GRID1: variants seen among roughly 807,000 people sequenced by gnomAD.
GRID1 encodes the protein glutamate ionotropic receptor delta type subunit 1.
In GRID1, 28 loss-of-function variants were observed where a neutral mutation model predicts 98.0. The observed-to-expected ratio is 0.29, with a 90% confidence interval of 0.21 to 0.39. GRID1 has a LOEUF of 0.39. Among genes scored for constraint, GRID1 ranks in the 10% least tolerant of loss-of-function variants. The pLI is 1.00. For synonymous variants in GRID1, 553 were observed against 538.5 expected (o/e 1.03, Z -0.37); for missense variants, 1,111 against 1,340.5 (o/e 0.83, Z 2.67).
At chr10:85,748,537 G>C (rs367764184) in intron 8 of GRID1, among the ~76,000 whole-genome samples, 1 of 152,166 alleles carries the variant, frequency 6.6e-6, no homozygotes, top group African/African-American at 2.4e-5. Flanking sequence ...AATTTGGGCA[G>C]ACTTCAGTTT....
At chr10:86,105,581 GCCAGCTGCCC>G (rs1313155941) in intron 4 of GRID1, among the ~76,000 whole-genome samples, 26 of 152,146 alleles carry the variant, frequency 1.7e-4, no homozygotes, top group Non-Finnish European at 3.7e-4. Flanking sequence ...AGCCCTAGGG[GCCAGCTGCCC>G]CTCCCCAGCA....
intron 2 of GRID1, among the ~76,000 whole-genome samples, chr10:86,244,727 A>G (rs891635302): frequency 1.3e-5 from 2 of 152,354 alleles, no homozygotes; most frequent in South Asian, 2.1e-4. Context: ...CACATGCCCA[A>G]AGAAATAGCC....
intron 2 of GRID1, among the ~76,000 whole-genome samples, chr10:86,322,919 C>T (rs1480310243): frequency 6.7e-6 from 1 of 149,790 alleles, no homozygotes; most frequent in African/African-American, 2.5e-5. Flanking sequence ...TGGTGAAACC[C>T]CGTCTCTACT....
rs761955162 is a variant in GRID1 at position 85,916,630 on chromosome 10, C to T, written c.727-391G>A. On this transcript the variant is annotated intron_variant, in intron 4 of 15. Coordinates refer to ENST00000327946, the MANE Select transcript of GRID1 (RefSeq NM_017551.3). The surrounding 1 kb of genome is among the most constrained non-coding windows in gnomAD (Gnocchi z 4.0). ...AGGCTACAGAATCAGGAAACTGGAA[C>T]GAGGGATTTATGGGGGCTTGTCTAG... Among the ~76,000 whole-genome samples the T allele has an allele frequency of 1.1e-4, 17 of 152,216 alleles. No homozygotes were observed. Among genetic ancestry groups the T allele is most frequent in the East Asian group, 5.8e-4 (3 of 5,168 alleles).
chr10:85,909,641 G>A (rs1841509319), intron 5 of GRID1, among the ~76,000 whole-genome samples: 1 of 152,106 alleles, frequency 6.6e-6, no homozygotes, highest in South Asian at 2.1e-4. Context: ...AGTAAAATAA[G>A]CCATACCAAA....
intron 8 of GRID1, among the ~76,000 whole-genome samples, chr10:85,847,339 G>T (rs1487507440): frequency 6.6e-6 from 1 of 152,160 alleles, no homozygotes; most frequent in East Asian, 1.9e-4. Context: ...GGCTCAGCAG[G>T]AGTGTCTGAA....
intron 4 of GRID1, among the ~76,000 whole-genome samples, chr10:85,993,289 A>T (rs1425820258): frequency 2.6e-5 from 4 of 152,190 alleles, no homozygotes; most frequent in Non-Finnish European, 2.9e-5. Flanking sequence ...CAAGGTAAGC[A>T]AGGCAGTAGG....
chr10:85,787,690 C>T (rs1445025817), intron 8 of GRID1, among the ~76,000 whole-genome samples: 1 of 152,164 alleles, frequency 6.6e-6, no homozygotes, highest in Admixed American at 6.5e-5. Flanking sequence ...CCAGGTAAAT[C>T]CTCAGCTCAG....
chr10:85,720,972 A>G lies in GRID1; in HGVS notation c.1997+2031T>C, dbSNP rs146790175. On this transcript the variant is annotated intron_variant, in intron 12 of 15. Coordinates refer to ENST00000327946, the MANE Select transcript of GRID1 (RefSeq NM_017551.3). ...CTGACCGCATATCTGACAAAGAACTAGTGTCTAAAATATATGAAGAACTTT... is the reference window on the plus strand; with the variant it reads ...CTGACCGCATATCTGACAAAGAACTGGTGTCTAAAATATATGAAGAACTTT... Among the ~76,000 whole-genome samples, 261 of 152,348 alleles carry G rather than the reference A, an allele frequency of 1.7e-3. 1 individual carries two copies. Among genetic ancestry groups the G allele is most frequent in the African/African-American group, 6.1e-3 (252 of 41,586 alleles).
chr10:86,172,898 T>C (rs979745780), intron 3 of GRID1, among the ~76,000 whole-genome samples: 12 of 152,218 alleles, frequency 7.9e-5, no homozygotes, highest in African/African-American at 2.9e-4. Flanking sequence ...TAGTGGGCCT[T>C]GTGTATGTCT....
At chr10:85,947,898 G>T (rs556554526) in intron 4 of GRID1, among the ~76,000 whole-genome samples, 1 of 152,290 alleles carries the variant, frequency 6.6e-6, no homozygotes, top group African/African-American at 2.4e-5. Context: ...AAAGAATTAG[G>T]AGAATGTTGA....
chr10:86,070,440 A>G (rs924912447), intron 4 of GRID1, among the ~76,000 whole-genome samples: 2 of 152,148 alleles, frequency 1.3e-5, no homozygotes, highest in East Asian at 3.9e-4. Context: ...AATTAAGATT[A>G]TTATCTTAAA....
chr10:86,016,040 G>A (rs190766994), intron 4 of GRID1, among the ~76,000 whole-genome samples: 2 of 152,124 alleles, frequency 1.3e-5, no homozygotes, highest in Admixed American at 1.3e-4. Flanking sequence ...GTCTGGACTT[G>A]GGCTGGTGAG....
At position 86,202,520 on chromosome 10, in the gene GRID1, T is replaced by C. The variant is rs116719021; in HGVS notation, c.520+3844A>G. ...CTCCATTCTTTTCGATCCAAACTTT[T>C]GGTATTTTAATGTTGCAAATTTTCT... On this transcript the variant is annotated intron_variant, in intron 3 of 15. Transcript: ENST00000327946. Among the ~76,000 whole-genome samples, 1,404 of 152,368 alleles carry C rather than the reference T, an allele frequency of 9.2e-3. 16 individuals carry two copies. The highest frequency in any genetic ancestry group is 0.031 in the Middle Eastern group (9 of 294).
intron 8 of GRID1, among the ~76,000 whole-genome samples, chr10:85,778,112 G>C (rs1301723632): frequency 6.6e-6 from 1 of 152,164 alleles, no homozygotes; most frequent in Non-Finnish European, 1.5e-5. Flanking sequence ...AATGGGACTA[G>C]AACTACATGG....
intron 2 of GRID1, among the ~76,000 whole-genome samples, chr10:86,232,168 A>G (rs908305796): frequency 1.3e-5 from 2 of 152,154 alleles, no homozygotes; most frequent in African/African-American, 4.8e-5. Context: ...GCGCATCCCA[A>G]TCCCACGAGG....
intron 2 of GRID1, among the ~76,000 whole-genome samples, chr10:86,243,764 G>A (rs550897306): frequency 6.6e-6 from 1 of 152,274 alleles, no homozygotes; most frequent in South Asian, 2.1e-4. Flanking sequence ...ACAGCATGGG[G>A]TTCCCACCTT....
intron 8 of GRID1, among the ~76,000 whole-genome samples, chr10:85,762,082 GTA>G (rs1564582401): frequency 3.3e-5 from 5 of 152,202 alleles, no homozygotes; most frequent in African/African-American, 1.2e-4. Flanking sequence ...CACAGTCGCT[GTA>G]TCCATCATGC....
At chr10:86,253,759 C>T (rs936987232) in intron 2 of GRID1, among the ~76,000 whole-genome samples, 1 of 152,196 alleles carries the variant, frequency 6.6e-6, no homozygotes, top group African/African-American at 2.4e-5. Flanking sequence ...CCGTGTTAGC[C>T]AGCTAGAAGG....
Sources: gnomAD v4.1 joint callset for allele counts (sites outside exome capture counted in the v4.1 genomes callset) on GRCh38, gnomAD v4.1.1 for gene constraint, Gnocchi (gnomAD v3.1) non-coding constraint, MANE v1.5 for transcripts, NCBI Gene and HGNC (gene_info 2026-07-23, HGNC 2026-07-21) for gene names.